The following IQSEC1 variants were observed in gnomAD, a reference collection of about 807,000 sequenced individuals.
IQSEC1 encodes the protein IQ motif and SEC7 domain-containing protein 1.
In IQSEC1, 31 loss-of-function variants were observed where a neutral mutation model predicts 91.0. The ratio of observed to expected loss-of-function variants is 0.34; its 90% CI spans 0.26 to 0.46. IQSEC1 has a LOEUF of 0.46. IQSEC1 is among the 20% of genes least tolerant of loss of function. The pLI is 1.00. For synonymous variants in IQSEC1, 699 were observed against 662.6 expected (o/e 1.05, Z -0.84); for missense variants, 1,388 against 1,575.6 (o/e 0.88, Z 2.02).
chr3:13,271,665 G>A (rs1376704845), intron 1 of IQSEC1, among the ~76,000 whole-genome samples: 1 of 151,572 alleles, frequency 6.6e-6, no homozygotes, highest in Non-Finnish European at 1.5e-5. Flanking sequence ...GCATGGTGGT[G>A]CACACCTGTA....
chr3:13,102,254 C>T (rs529473108), intron 2 of IQSEC1, among the ~76,000 whole-genome samples: 2 of 152,076 alleles, frequency 1.3e-5, no homozygotes, highest in South Asian at 4.2e-4. Context: ...CTGACTCCAG[C>T]CTGGGTGATG....
intron 2 of IQSEC1, among the ~76,000 whole-genome samples, chr3:13,085,582 G>A (rs1705722513): frequency 6.6e-6 from 1 of 152,206 alleles, no homozygotes; most frequent in Non-Finnish European, 1.5e-5. Context: ...AGCCAGGTGG[G>A]TCCTTGCTGG....
At chr3:13,118,931 G>C (rs897674529) in intron 2 of IQSEC1, among the ~76,000 whole-genome samples, 2 of 152,042 alleles carry the variant, frequency 1.3e-5, no homozygotes, top group African/African-American at 4.8e-5. Context: ...AAATTAGCTG[G>C]GTATAGTGGC....
At position 12,979,285 on chromosome 3, in the gene IQSEC1, T is replaced by G. The variant is rs966484419; in HGVS notation, c.24-37420A>C. On this transcript the variant is annotated intron_variant, in intron 1 of 13. Coordinates refer to ENST00000613206, the MANE Select transcript of IQSEC1 (RefSeq NM_001134382.3). This position sits in a 1 kb window ranked among gnomAD's most constrained non-coding sequence, Gnocchi z 4.3. ...CTGTTATAAACTCCTGCTTTGATCC[T>G]GTTATCAGCCCCATCCCTGAGGCCT... Among the ~76,000 whole-genome samples the G allele has an allele frequency of 1.3e-5, 2 of 152,246 alleles. No homozygotes were observed. The highest frequency in any genetic ancestry group is 4.8e-5 in the African/African-American group (2 of 41,454).
chr3:13,138,363 C>T (rs1706745040), intron 2 of IQSEC1, among the ~76,000 whole-genome samples: 1 of 151,974 alleles, frequency 6.6e-6, no homozygotes, highest in African/African-American at 2.4e-5. Context: ...TCGGTGCCTC[C>T]CGAGAGGAGC....
chr3:13,029,662 C>T (rs545616034), intron 1 of IQSEC1, among the ~76,000 whole-genome samples: 4 of 152,226 alleles, frequency 2.6e-5, no homozygotes, highest in Non-Finnish European at 1.5e-5. Context: ...CAAACAGGAA[C>T]CCTCCCCTTG....
At position 12,913,473 on chromosome 3, in the gene IQSEC1, G is replaced by C. The variant is rs1323894093; in HGVS notation, c.2271C>G (p.Leu757=). 4 of 1,607,226 alleles carry C rather than the reference G, an allele frequency of 2.5e-6. No homozygotes were observed. The highest frequency in any genetic ancestry group is 1.1e-5 in the South Asian group (1 of 90,666). The change falls in exon 9 of 14, where the codon CTC becomes CTG. Residue 757 remains leucine (L), a synonymous_variant. Transcript: ENST00000613206. ...GGAAGATTTCTCGCTGGTGTAGTCC[G>C]AGTTTCTGGGGCTTGTTTGGGTCTG... ...EVPDPNKPQK[L]GLHQREIFLF...
At chr3:13,238,644 C>T (rs1292285553) in intron 1 of IQSEC1, among the ~76,000 whole-genome samples, 1 of 152,226 alleles carries the variant, frequency 6.6e-6, no homozygotes, top group Non-Finnish European at 1.5e-5. Flanking sequence ...ACCACAATCC[C>T]GGCTCAGCAA....
intron 13 of IQSEC1, among the ~76,000 whole-genome samples, chr3:12,901,861 G>A (rs1239583481): frequency 6.6e-6 from 1 of 152,184 alleles, no homozygotes; most frequent in Non-Finnish European, 1.5e-5. Flanking sequence ...GGAACCCCTA[G>A]GTTGGGGTGT....
chr3:13,234,135 C>T (rs921947768), intron 1 of IQSEC1, among the ~76,000 whole-genome samples: 2 of 152,288 alleles, frequency 1.3e-5, no homozygotes, highest in South Asian at 2.1e-4. Flanking sequence ...ACAGATTGTG[C>T]CTGTGTTTGT....
chr3:13,274,215 G>A (rs1375298385), intron 1 of IQSEC1, among the ~76,000 whole-genome samples: 1 of 152,202 alleles, frequency 6.6e-6, no homozygotes, highest in Non-Finnish European at 1.5e-5. Flanking sequence ...AGTGTCCCCA[G>A]AGGCTGTCCC....
At chr3:13,055,252 G>A (rs1480362400) in intron 1 of IQSEC1, among the ~76,000 whole-genome samples, 2 of 152,262 alleles carry the variant, frequency 1.3e-5, no homozygotes, top group Non-Finnish European at 2.9e-5. Context: ...TCTCAGTGAG[G>A]TCTTCCTGGA....
At chr3:12,941,924 G>A (rs977306415) in intron 1 of IQSEC1, 59 bp from the exon 2 acceptor site, 8 of 1,436,012 alleles carry the variant, frequency 5.6e-6, no homozygotes, top group South Asian at 1.4e-5. Flanking sequence ...ACACGACACC[G>A]GGCCGTGGGG....
rs111665951 is a variant in IQSEC1, at chr3:13,257,614, T to C, written c.272+25097A>G. Among the ~76,000 whole-genome samples, 977 of 152,164 alleles carry C rather than the reference T, an allele frequency of 6.4e-3. 14 individuals carry two copies. The highest frequency in any genetic ancestry group is 0.022 in the African/African-American group (919 of 41,516). On this transcript the variant is annotated intron_variant, in intron 1 of 15. Coordinates refer to the IQSEC1 transcript ENST00000648114. Reference sequence around the variant, plus strand: ...CTCACTTGAGACCACTCAGTTTGGGTAGGGCTCCGCACCCTGCAGCTGGTC... The same window carrying C: ...CTCACTTGAGACCACTCAGTTTGGGCAGGGCTCCGCACCCTGCAGCTGGTC...
intron 1 of IQSEC1, among the ~76,000 whole-genome samples, chr3:13,023,615 C>T (rs897152399): frequency 5.3e-5 from 8 of 152,136 alleles, no homozygotes; most frequent in African/African-American, 1.4e-4. Flanking sequence ...CAAAGCCTTG[C>T]TCTGTCCCCA....
Position 12,908,559 on chromosome 3 carries a change from G to A in IQSEC1, c.2579-34C>T, listed in dbSNP as rs747783904. 31 of 1,611,870 alleles carry A rather than the reference G, an allele frequency of 1.9e-5. No homozygotes were observed. The highest frequency in any genetic ancestry group is 6.6e-5 in the South Asian group (6 of 90,996). On this transcript the variant is annotated intron_variant, in intron 11 of 13. Coordinates refer to ENST00000613206, the MANE Select transcript of IQSEC1 (RefSeq NM_001134382.3). This position sits in a 1 kb window ranked among gnomAD's most constrained non-coding sequence, Gnocchi z 4.9. ...GAGAGGGTGAGGGTCCTGGTGAGAGGAGCACAGCCTAGAGTGGGCAGGAGA... is the reference window on the plus strand; with the variant it reads ...GAGAGGGTGAGGGTCCTGGTGAGAGAAGCACAGCCTAGAGTGGGCAGGAGA...
intron 1 of IQSEC1, among the ~76,000 whole-genome samples, chr3:13,216,453 G>GC (rs1472080292): frequency 6.6e-6 from 1 of 152,150 alleles, no homozygotes; most frequent in African/African-American, 2.4e-5. Context: ...AGGGCAGGGA[G>GC]CCCCCCAGAG....
chr3:13,247,297 T>A (rs1303534560), intron 1 of IQSEC1, among the ~76,000 whole-genome samples: 1 of 152,196 alleles, frequency 6.6e-6, no homozygotes, highest in African/African-American at 2.4e-5. Flanking sequence ...ATTTCTCTGC[T>A]GCCATTCTGT....
At chr3:13,162,653 C>T (rs1340591497) in intron 2 of IQSEC1, among the ~76,000 whole-genome samples, 11 of 152,168 alleles carry the variant, frequency 7.2e-5, no homozygotes, top group Admixed American at 7.2e-4. Flanking sequence ...TACGTACTTA[C>T]ACCTGCCCTT....
Sources: gnomAD v4.1 joint callset for allele counts (sites outside exome capture counted in the v4.1 genomes callset) on GRCh38, gnomAD v4.1.1 for gene constraint, Gnocchi (gnomAD v3.1) non-coding constraint, MANE v1.5 for transcripts, NCBI Gene and HGNC (gene_info 2026-07-23, HGNC 2026-07-21) for gene names.